Variants in COLEC12 observed in about 807,000 individuals in gnomAD.
COLEC12 encodes the protein collectin subfamily member 12.
COLEC12 carries 33 observed loss-of-function variants against 71.1 expected under a neutral mutation model. The ratio of observed to expected loss-of-function variants is 0.46; its 90% CI spans 0.35 to 0.62. COLEC12 has a LOEUF of 0.62. Among genes scored for constraint, COLEC12 ranks in the 20% least tolerant of loss-of-function variants. The pLI, the probability that COLEC12 is intolerant of heterozygous loss-of-function variation, is 0.00. For synonymous variants in COLEC12, 350 were observed against 353.0 expected, an observed-to-expected ratio of 0.99 and a Z score of 0.10; for missense variants, 765 against 916.1, an observed-to-expected ratio of 0.84 and a Z score of 2.13.
At chr18:441,209 C>T (rs935737475) in intron 2 of COLEC12, among the ~76,000 whole-genome samples, 36 of 150,700 alleles carry the variant, frequency 2.4e-4, no homozygotes, top group South Asian at 2.1e-4. Context: ...GATTGTGCCA[C>T]TGCACTCCAG....
intron 2 of COLEC12, among the ~76,000 whole-genome samples, chr18:416,511 T>C (rs900313574): frequency 2.0e-5 from 3 of 152,224 alleles, no homozygotes; most frequent in South Asian, 2.1e-4. Flanking sequence ...TATTATATCC[T>C]AGAGGAATTC....
chr18:469,163 G>C (rs1917145289), intron 2 of COLEC12, among the ~76,000 whole-genome samples: 1 of 152,260 alleles, frequency 6.6e-6, no homozygotes, highest in Admixed American at 6.5e-5. Context: ...CAGACGGAAA[G>C]AGGTGGGGGC....
At chr18:330,873 G>GTTTTTTTTTTTTTTTTT (rs60146586) in intron 8 of COLEC12, among the ~76,000 whole-genome samples, 2 of 133,766 alleles carry the variant, frequency 1.5e-5, no homozygotes, top group Non-Finnish European at 3.1e-5. Context: ...CACATTTGTA[G>GTTTTTTTTTTTTTTTTT]TTTTTTTTTT....
chr18:474,761 C>T (rs1917270601), intron 2 of COLEC12, among the ~76,000 whole-genome samples: 1 of 152,108 alleles, frequency 6.6e-6, no homozygotes, highest in Non-Finnish European at 1.5e-5. Flanking sequence ...CCTCACATGC[C>T]ATTTTGACAC....
chr18:329,911 T>C (rs1045595127), intron 8 of COLEC12, among the ~76,000 whole-genome samples: 1 of 152,074 alleles, frequency 6.6e-6, no homozygotes, highest in Non-Finnish European at 1.5e-5. Context: ...ACCACGTCTA[T>C]CCAAAAACTT....
At chr18:485,097 A>T (rs1917494476) in intron 1 of COLEC12, among the ~76,000 whole-genome samples, 1 of 152,256 alleles carries the variant, frequency 6.6e-6, no homozygotes, top group Non-Finnish European at 1.5e-5. Flanking sequence ...GAAGACAAAT[A>T]GCCTGATACA....
At chr18:421,412 A>G (rs2621178) in intron 2 of COLEC12, among the ~76,000 whole-genome samples, 139,205 of 152,120 alleles carry the variant, frequency 0.92, 64,444 homozygotes, top group East Asian at 1. Flanking sequence ...CAGTACAAAC[A>G]AGTGAGTTGG....
intron 2 of COLEC12, among the ~76,000 whole-genome samples, chr18:410,632 C>T (rs530526365): frequency 6.6e-6 from 1 of 152,090 alleles, no homozygotes; most frequent in South Asian, 2.1e-4. Flanking sequence ...ACCATGTTGC[C>T]CAGGCTGGTC....
chr18:331,028 C>T (rs1020841845), intron 8 of COLEC12, among the ~76,000 whole-genome samples: 3 of 151,920 alleles, frequency 2.0e-5, no homozygotes, highest in South Asian at 2.1e-4. Flanking sequence ...CACCCGCATG[C>T]GCCACCATAT....
chr18:382,577 G>A (rs552584082), intron 2 of COLEC12, among the ~76,000 whole-genome samples: 3 of 152,138 alleles, frequency 2.0e-5, no homozygotes, highest in Non-Finnish European at 4.4e-5. Flanking sequence ...TTAGGCTCAA[G>A]TTTCTATCTG....
chr18:492,186 T>C (rs1274340325), intron 1 of COLEC12, among the ~76,000 whole-genome samples: 2 of 152,232 alleles, frequency 1.3e-5, no homozygotes, highest in East Asian at 3.8e-4. Context: ...GGATCACTTT[T>C]GATTCAATTG....
intron 2 of COLEC12, among the ~76,000 whole-genome samples, chr18:433,096 T>C (rs1916337077): frequency 6.6e-6 from 1 of 152,312 alleles, no homozygotes; most frequent in East Asian, 1.9e-4. Context: ...AAATTTAACA[T>C]TCAGTTCTGC....
chr18:427,592 T>C (rs1916222111), intron 2 of COLEC12, among the ~76,000 whole-genome samples: 1 of 152,158 alleles, frequency 6.6e-6, no homozygotes, highest in South Asian at 2.1e-4. Context: ...AGTAAAACTC[T>C]GTTACTGGGA....
intron 2 of COLEC12, among the ~76,000 whole-genome samples, chr18:465,402 A>C (rs1424425607): frequency 6.6e-6 from 1 of 152,168 alleles, no homozygotes; most frequent in Non-Finnish European, 1.5e-5. Flanking sequence ...GCACCCAGCC[A>C]AAATTATTAT....
intron 2 of COLEC12, among the ~76,000 whole-genome samples, chr18:410,788 C>CAA (rs369405522): frequency 6.8e-6 from 1 of 145,986 alleles, no homozygotes; most frequent in African/African-American, 2.5e-5. Flanking sequence ...AGAGCACAGA[C>CAA]AAAAAAAAAA....
At chr18:458,197 A>C (rs1487773344) in intron 2 of COLEC12, among the ~76,000 whole-genome samples, 3 of 152,216 alleles carry the variant, frequency 2.0e-5, no homozygotes, top group Admixed American at 2.0e-4. Flanking sequence ...ATTTTTAAGA[A>C]TGCTCACAGA....
chr18:321,043 A>G (rs530335470), intron 9 of COLEC12, among the ~76,000 whole-genome samples: 2 of 152,124 alleles, frequency 1.3e-5, no homozygotes, highest in Non-Finnish European at 2.9e-5. Context: ...AAAAGAACTA[A>G]CATTGGTGCT....
Position 334,798 on chromosome 18 carries a change from C to T in COLEC12, c.1760G>A (p.Gly587Glu), listed in dbSNP as rs1350493405. 1 of 1,503,696 alleles carries T rather than the reference C, an allele frequency of 6.7e-7. No individual in the cohort carries two copies. The highest frequency in any genetic ancestry group is 2.5e-5 in the East Asian group (1 of 40,192). 93.1% of individuals were successfully genotyped at this position (1,503,696 alleles called of 1,614,324 possible). The change falls in exon 6 of 10, where the codon GGA becomes GAA. Residue 587 changes from glycine to glutamate, a missense_variant. Gly to Glu is a moderately conservative substitution (Grantham distance 98). Transcript: ENST00000400256. ...CTGCAGGGCCAGGGGCACCACCGCT[C>T]CTGATGGGCCAGGAGGGCCGGGGGG... is the stretch of plus-strand genomic sequence containing the variant. ...KGPPGPPGPSGAVVPLALQNE... is the reference protein window; with the variant it reads ...KGPPGPPGPSEAVVPLALQNE...
At chr18:326,493 A>G (rs1363089257) in intron 8 of COLEC12, among the ~76,000 whole-genome samples, 1 of 152,238 alleles carries the variant, frequency 6.6e-6, no homozygotes, top group Admixed American at 6.5e-5. Flanking sequence ...GATTACAGGC[A>G]TCCGCCACCA....
Sources: allele counts gnomAD v4.1 joint callset (sites outside exome capture counted in the v4.1 genomes callset), GRCh38; gene constraint gnomAD v4.1.1; transcripts MANE v1.5; gene names NCBI Gene and HGNC (gene_info 2026-07-23, HGNC 2026-07-21).